ATXN1: variants seen among roughly 807,000 people sequenced by gnomAD.
ATXN1 encodes ataxin-1.
In ATXN1, 8 loss-of-function variants were observed where a neutral mutation model predicts 56.4. That is an observed-to-expected ratio of 0.14 (90% confidence interval 0.08 to 0.26). ATXN1 has a LOEUF of 0.26. ATXN1 is among the 10% of genes least tolerant of loss of function. The pLI is 1.00. For missense variants in ATXN1, 987 were observed against 1,106.5 expected, an observed-to-expected ratio of 0.89 and a Z score of 1.53; for synonymous variants, 514 against 494.6, an observed-to-expected ratio of 1.04 and a Z score of -0.52.
intron 6 of ATXN1, among the ~76,000 whole-genome samples, chr6:16,344,780 C>T (rs1761341652): frequency 6.6e-6 from 1 of 152,174 alleles, no homozygotes; most frequent in South Asian, 2.1e-4. Context: ...AGTCAATATT[C>T]CTTAATAAAC....
In ATXN1 at chr6:16,504,243, C is replaced by T. The variant is rs533629646; in HGVS notation, c.-298-18134G>A. Among the ~76,000 whole-genome samples the T allele has an allele frequency of 3.1e-4, 47 of 152,290 alleles. 1 individual carries two copies. In the South Asian group the frequency reaches 9.3e-3, roughly 30 times the overall value. ...TCCTAAGCCCTCACTGACTCCTACT[C>T]GCATGTATTGCTAGGAGCCAGCTTT... On this transcript the variant is annotated intron_variant, in intron 5 of 7. Transcript: ENST00000436367.
Position 16,499,847 on chromosome 6 carries a change from T to C in ATXN1, c.-298-13738A>G, listed in dbSNP as rs1046912286. On this transcript the variant is annotated intron_variant, in intron 5 of 7. Transcript: ENST00000436367. ...AGCCAATGCAAGGAGTGAAGACTTT[T>C]AAATCCCCCTAAAGCATCAGTTCTC... 7.9e-5 allele frequency among the ~76,000 whole-genome samples: 12 copies of C among 152,306 alleles called. No homozygotes were observed. The South Asian group carries it at 2.1e-3, about 26-fold the overall frequency.
At chr6:16,430,450 G>C (rs1759256499) in intron 6 of ATXN1, among the ~76,000 whole-genome samples, 1 of 152,160 alleles carries the variant, frequency 6.6e-6, no homozygotes, top group Non-Finnish European at 1.5e-5. Context: ...TAGCACAAAG[G>C]AAGGTTCTGT....
intron 2 of ATXN1, among the ~76,000 whole-genome samples, chr6:16,681,101 T>C (rs1026199060): frequency 5.9e-5 from 9 of 152,192 alleles, no homozygotes; most frequent in South Asian, 2.1e-4. Flanking sequence ...ATGATGATGA[T>C]TGTTATTTCT....
chr6:16,703,002 A>T (rs1476956663), intron 2 of ATXN1, among the ~76,000 whole-genome samples: 2 of 152,072 alleles, frequency 1.3e-5, no homozygotes, highest in Non-Finnish European at 2.9e-5. Context: ...AAGGAGTATA[A>T]ATCATGCTGC....
At chr6:16,483,608 A>G (rs1188674822) in intron 6 of ATXN1, among the ~76,000 whole-genome samples, 2 of 152,216 alleles carry the variant, frequency 1.3e-5, no homozygotes, top group Non-Finnish European at 2.9e-5. Context: ...AGAATTTGGT[A>G]TTTCCTTGCT....
chr6:16,470,372 G>GA (rs1045698976), intron 6 of ATXN1, among the ~76,000 whole-genome samples: 1 of 151,938 alleles, frequency 6.6e-6, no homozygotes, highest in African/African-American at 2.4e-5. Context: ...AGTTTTGCCA[G>GA]AAAAAAAGAG....
intron 6 of ATXN1, among the ~76,000 whole-genome samples, chr6:16,435,478 A>G (rs1455410027): frequency 6.6e-6 from 1 of 152,110 alleles, no homozygotes; most frequent in African/African-American, 2.4e-5. Flanking sequence ...CCAGAAAGGG[A>G]TGATGGCACC....
chr6:16,334,554 A>G (rs1761072138), intron 6 of ATXN1, among the ~76,000 whole-genome samples: 2 of 152,204 alleles, frequency 1.3e-5, no homozygotes, highest in South Asian at 4.2e-4. Context: ...TGTCTCTACA[A>G]AAAATAAAAA....
At position 16,307,916 on chromosome 6, in the gene ATXN1, G is replaced by A. The variant is rs866207510; in HGVS notation, c.1918-1057C>T. Among the ~76,000 whole-genome samples the A allele has an allele frequency of 1.3e-4, 20 of 152,206 alleles. 1 individual carries two copies. In the Middle Eastern group the frequency reaches 0.01, roughly 78 times the overall value. On this transcript the variant is annotated intron_variant, in intron 7 of 7. Transcript: ENST00000436367. The stretch of plus-strand genomic sequence containing the variant: ...TGCCTGTAATCCCAGCACTTTGGGA[G>A]GCCAAGGCGCGTGGATCACCTGAGG...
intron 2 of ATXN1, among the ~76,000 whole-genome samples, chr6:16,695,796 A>G (rs1352460937): frequency 1.3e-5 from 2 of 152,106 alleles, no homozygotes; most frequent in East Asian, 3.9e-4. Context: ...CTGTCTTTAC[A>G]AAAAATAAAT....
intron 6 of ATXN1, among the ~76,000 whole-genome samples, chr6:16,390,111 T>C (rs9477117): frequency 0.12 from 17,513 of 152,192 alleles, 1,057 homozygotes; most frequent in African/African-American, 0.13. Flanking sequence ...AACACGAGCT[T>C]CCCAGGCTTT....
chr6:16,628,914 C>T (rs2113808197), intron 3 of ATXN1, among the ~76,000 whole-genome samples: 1 of 152,234 alleles, frequency 6.6e-6, no homozygotes, highest in East Asian at 1.9e-4. Context: ...GTGAATAGTG[C>T]TGCAATGAAC....
At chr6:16,636,874 A>T (rs371470637) in intron 3 of ATXN1, among the ~76,000 whole-genome samples, 29 of 152,342 alleles carry the variant, frequency 1.9e-4, no homozygotes, top group African/African-American at 7.0e-4. Flanking sequence ...GTGGAGAAAT[A>T]GGAACACTTT....
intron 6 of ATXN1, among the ~76,000 whole-genome samples, chr6:16,388,357 A>T (rs1758283419): frequency 6.6e-6 from 1 of 152,232 alleles, no homozygotes; most frequent in African/African-American, 2.4e-5. Flanking sequence ...GATTCTTCAC[A>T]TAAAAACACA....
At chr6:16,558,571 G>C (rs1332159396) in intron 4 of ATXN1, among the ~76,000 whole-genome samples, 1 of 151,964 alleles carries the variant, frequency 6.6e-6, no homozygotes, top group Non-Finnish European at 1.5e-5. Context: ...GGGTCTCCCT[G>C]TGTTGTCCAG....
chr6:16,426,794 C>T (rs1344492523), intron 6 of ATXN1, among the ~76,000 whole-genome samples: 1 of 151,876 alleles, frequency 6.6e-6, no homozygotes, highest in Admixed American at 6.6e-5. Context: ...ATCCAGCATC[C>T]CCTTGCTGCT....
intron 3 of ATXN1, among the ~76,000 whole-genome samples, chr6:16,602,076 T>G (rs942141223): frequency 6.6e-6 from 1 of 152,220 alleles, no homozygotes; most frequent in Non-Finnish European, 1.5e-5. Context: ...TTTTGTATAC[T>G]AAGCATCAGC....
At chr6:16,501,542 T>G (rs1760886083) in intron 5 of ATXN1, among the ~76,000 whole-genome samples, 1 of 152,204 alleles carries the variant, frequency 6.6e-6, no homozygotes, top group Admixed American at 6.5e-5. Flanking sequence ...TTCTCATTAT[T>G]CAACTCCTAC....
Sources: gnomAD v4.1 joint callset for allele counts (sites outside exome capture counted in the v4.1 genomes callset) on GRCh38, gnomAD v4.1.1 for gene constraint, MANE v1.5 for transcripts, NCBI Gene and HGNC (gene_info 2026-07-23, HGNC 2026-07-21) for gene names.